FBXW7: variants seen among roughly 807,000 people sequenced by gnomAD.
FBXW7 encodes the protein F-box/WD repeat-containing protein 7.
In FBXW7, 11 loss-of-function variants were observed where a neutral mutation model predicts 86.3. The observed-to-expected ratio is 0.13, with a 90% confidence interval of 0.08 to 0.21. FBXW7 has a LOEUF of 0.21. Among genes scored for constraint, FBXW7 ranks in the 10% least tolerant of loss-of-function variants. FBXW7 has a pLI of 1.00. For missense variants in FBXW7, 488 were observed against 847.4 expected, an observed-to-expected ratio of 0.58 and a Z score of 5.27; for synonymous variants, 313 against 297.9, an observed-to-expected ratio of 1.05 and a Z score of -0.52.
intron 2 of FBXW7, among the ~76,000 whole-genome samples, chr4:152,469,439 C>A (rs934871108): frequency 2.0e-5 from 3 of 152,038 alleles, no homozygotes; most frequent in African/African-American, 7.2e-5. Flanking sequence ...TAACTACAGA[C>A]ACCTACAAAA....
intron 2 of FBXW7, among the ~76,000 whole-genome samples, chr4:152,500,473 T>C (rs1273442367): frequency 7.7e-6 from 1 of 129,286 alleles, no homozygotes; most frequent in Admixed American, 9.3e-5. Context: ...TACATATTCC[T>C]GAAGGTTTTG....
chr4:152,429,490 T>G (rs1739697410), intron 2 of FBXW7, among the ~76,000 whole-genome samples: 1 of 152,040 alleles, frequency 6.6e-6, no homozygotes, highest in Non-Finnish European at 1.5e-5. Context: ...ACAAGGGTCT[T>G]TTTATATAAA....
In FBXW7 at chr4:152,535,392, A is replaced by T. The variant is rs1469834986; in HGVS notation, c.-478T>A. 5 of 378,334 alleles carry T rather than the reference A, an allele frequency of 1.3e-5. No homozygotes were observed. The highest frequency in any genetic ancestry group is 3.7e-5 in the East Asian group (1 of 26,878). 23.4% of individuals were successfully genotyped at this position (378,334 alleles called of 1,614,324 possible). A position where few individuals can be genotyped will look rare whatever the true frequency, so the allele number is the denominator to read the frequency against. On this transcript the variant is annotated 5_prime_UTR_variant, in exon 1 of 14. Coordinates refer to ENST00000281708, the MANE Select transcript of FBXW7 (RefSeq NM_001349798.2). ...ACTGGCCAAGGGAGAAGACCCCCGG[A>T]GGGGGCTGAGGGGAGGGGGAAGGTG...
intron 4 of FBXW7, 171 bp downstream of exon 4, chr4:152,411,132 T>G (rs756344937): frequency 1.6e-4 from 168 of 1,072,730 alleles, no homozygotes; most frequent in Non-Finnish European, 1.9e-4. Context: ...TATCAGTATT[T>G]CTACTTGTAA....
intron 2 of FBXW7, among the ~76,000 whole-genome samples, chr4:152,509,451 A>G (rs1252538963): frequency 6.6e-6 from 1 of 152,224 alleles, no homozygotes; most frequent in Non-Finnish European, 1.5e-5. Flanking sequence ...TGTCAAATTA[A>G]TGTATGTATC....
chr4:152,469,151 TCTG>T (rs1280682789), intron 2 of FBXW7, among the ~76,000 whole-genome samples: 1 of 152,056 alleles, frequency 6.6e-6, no homozygotes, highest in Non-Finnish European at 1.5e-5. Flanking sequence ...TCCTTAATAA[TCTG>T]CTATTGACTA....
chr4:152,385,713 T>A (rs973680312), intron 4 of FBXW7, among the ~76,000 whole-genome samples: 1 of 152,190 alleles, frequency 6.6e-6, no homozygotes, highest in East Asian at 1.9e-4. Context: ...CAAGTTTTGG[T>A]AAGCACAAGG....
intron 2 of FBXW7, among the ~76,000 whole-genome samples, chr4:152,445,105 T>C (rs1197662484): frequency 1.3e-5 from 2 of 152,188 alleles, no homozygotes; most frequent in Non-Finnish European, 2.9e-5. Flanking sequence ...GGATTACCAA[T>C]GTGAGCCACC....
In FBXW7 at chr4:152,518,619, T is replaced by C. The variant is rs60732255; in HGVS notation, c.-120+16322A>G. 4.8e-3 allele frequency among the ~76,000 whole-genome samples: 729 copies of C among 152,360 alleles called. 6 individuals are homozygous for C. The highest frequency in any genetic ancestry group is 0.01 in the Middle Eastern group (3 of 294). ...GCTTCAGCACTCTATACTTAGTATTTGCATGTAACTTTTGATAAAATTTTA... is the reference window on the plus strand; with the variant it reads ...GCTTCAGCACTCTATACTTAGTATTCGCATGTAACTTTTGATAAAATTTTA... On this transcript the variant is annotated intron_variant, in intron 2 of 13. Transcript: ENST00000281708.
At chr4:152,489,378 A>G (rs1745631624) in intron 2 of FBXW7, 1 of 153,270 alleles carries the variant, frequency 6.5e-6, no homozygotes, top group African/African-American at 2.4e-5. Flanking sequence ...ATAACTTCAG[A>G]ATACATAAAG....
chr4:152,380,905 G>A (rs1735006402), intron 4 of FBXW7, among the ~76,000 whole-genome samples: 1 of 151,842 alleles, frequency 6.6e-6, no homozygotes, highest in African/African-American at 2.4e-5. Context: ...AAAGCTATTA[G>A]AGGCCTCTAT....
chr4:152,478,635 C>A (rs1018574810), intron 2 of FBXW7, among the ~76,000 whole-genome samples: 16 of 152,190 alleles, frequency 1.1e-4, no homozygotes, highest in Admixed American at 9.2e-4. Context: ...TTTTGAAGAA[C>A]TGGTAAACTG....
At chr4:152,336,397 A>T (rs1730113256) in intron 7 of FBXW7, among the ~76,000 whole-genome samples, 1 of 152,128 alleles carries the variant, frequency 6.6e-6, no homozygotes, top group Non-Finnish European at 1.5e-5. Flanking sequence ...AAATAAAGCA[A>T]AACAAACCAA....
At chr4:152,485,206 T>C (rs1310618354) in intron 2 of FBXW7, among the ~76,000 whole-genome samples, 2 of 152,000 alleles carry the variant, frequency 1.3e-5, no homozygotes, top group African/African-American at 4.8e-5. Flanking sequence ...AAATACAACA[T>C]ATCAGTTAGA....
intron 2 of FBXW7, among the ~76,000 whole-genome samples, chr4:152,498,528 G>A (rs368174137): frequency 1.3e-5 from 2 of 152,164 alleles, no homozygotes; most frequent in African/African-American, 4.8e-5. Flanking sequence ...GCTGAACCTT[G>A]AATCTAATAG....
At chr4:152,347,582 C>T (rs1731392030) in intron 5 of FBXW7, among the ~76,000 whole-genome samples, 1 of 152,066 alleles carries the variant, frequency 6.6e-6, no homozygotes, top group Non-Finnish European at 1.5e-5. Flanking sequence ...TCAAAATTGT[C>T]TATAATATTT....
chr4:152,471,639 C>T (rs985802058), intron 2 of FBXW7, among the ~76,000 whole-genome samples: 1 of 151,972 alleles, frequency 6.6e-6, no homozygotes, highest in African/African-American at 2.4e-5. Context: ...TGGCTCACAC[C>T]TGTAATCCCA....
chr4:152,321,973 A>C lies in FBXW7; in HGVS notation c.*908T>G, dbSNP rs1728591501. 4.3e-6 allele frequency: 1 copy of C among 233,024 alleles called. No individual in the cohort carries two copies. Among genetic ancestry groups the C allele is most frequent in the Non-Finnish European group, 8.5e-6 (1 of 117,690 alleles). The allele number at this position is 233,024 out of a possible 1,614,324, so 14.4% of individuals were successfully genotyped here. A position where few individuals can be genotyped will look rare whatever the true frequency, so the allele number is the denominator to read the frequency against. ...CAGATGGCTCAAGTTTCAGTGGCAA[A>C]AAGTCTTTTTTCCATAACCAAACTA... On this transcript the variant is annotated 3_prime_UTR_variant, in exon 14 of 14. Transcript: ENST00000281708.
chr4:152,354,488 T>C (rs1732175537), intron 4 of FBXW7, among the ~76,000 whole-genome samples: 1 of 152,118 alleles, frequency 6.6e-6, no homozygotes, highest in South Asian at 2.1e-4. Flanking sequence ...CCAGAATTTG[T>C]CAGTGGTAAC....
Sources: gnomAD v4.1 joint callset for allele counts (sites outside exome capture counted in the v4.1 genomes callset) on GRCh38, gnomAD v4.1.1 for gene constraint, MANE v1.5 for transcripts, NCBI Gene and HGNC (gene_info 2026-07-23, HGNC 2026-07-21) for gene names.